DLG2: variants seen among roughly 807,000 people sequenced by gnomAD.
The protein encoded by DLG2 is discs large MAGUK scaffold protein 2.
Under a neutral mutation model 132.5 loss-of-function variants are expected in DLG2, and 45 were observed. That is an observed-to-expected ratio of 0.34 (90% CI 0.27 to 0.44). The LOEUF is 0.44. Ranked by LOEUF, DLG2 falls within the 20% of genes least tolerant of loss-of-function variation. The probability of loss-of-function intolerance (pLI) is 1.00; values close to 1 mark genes in which losing one functional copy is unlikely to be tolerated. For synonymous variants in DLG2, 424 were observed against 419.6 expected (o/e 1.01, Z -0.13); for missense variants, 1,045 against 1,196.9 (o/e 0.87, Z 1.87).
intron 18 of DLG2, among the ~76,000 whole-genome samples, chr11:83,662,531 C>T (rs895557179): frequency 1.3e-5 from 2 of 152,140 alleles, no homozygotes; most frequent in Non-Finnish European, 2.9e-5. Flanking sequence ...AATTCTGGCT[C>T]TATGGAATGC....
intron 6 of DLG2, among the ~76,000 whole-genome samples, chr11:84,776,824 T>C (rs1411265510): frequency 6.6e-6 from 1 of 152,174 alleles, no homozygotes; most frequent in Non-Finnish European, 1.5e-5. Context: ...TTGGTATCTT[T>C]CCAGCTATAG....
chr11:84,373,260 AAAAACAAAAC>A (rs1217448942), intron 7 of DLG2, among the ~76,000 whole-genome samples: 6 of 102,922 alleles, frequency 5.8e-5, no homozygotes, highest in African/African-American at 1.7e-4. Context: ...AAAAAAAAAA[AAAAACAAAAC>A]AAAAAAAAAA....
chr11:83,938,221 G>A (rs1471185305), intron 14 of DLG2, among the ~76,000 whole-genome samples: 1 of 152,178 alleles, frequency 6.6e-6, no homozygotes, highest in Non-Finnish European at 1.5e-5. Flanking sequence ...ATACAAAATT[G>A]TATATGGGGC....
intron 3 of DLG2, among the ~76,000 whole-genome samples, chr11:85,355,043 C>T (rs1457002668): frequency 6.6e-6 from 1 of 151,962 alleles, no homozygotes; most frequent in African/African-American, 2.4e-5. Flanking sequence ...CAAATTTTGA[C>T]AATATATTTT....
At chr11:85,255,700 T>C (rs186393802) in intron 4 of DLG2, among the ~76,000 whole-genome samples, 1 of 152,354 alleles carries the variant, frequency 6.6e-6, no homozygotes, top group East Asian at 1.9e-4. Context: ...AAATGACTTC[T>C]AATTATTATA....
intron 10 of DLG2, among the ~76,000 whole-genome samples, chr11:84,077,582 T>A (rs913419128): frequency 7.2e-5 from 11 of 152,238 alleles, no homozygotes; most frequent in African/African-American, 2.7e-4. Flanking sequence ...TTTTTGCATG[T>A]TTTAGGCTGA....
intron 3 of DLG2, among the ~76,000 whole-genome samples, chr11:85,322,574 C>G (rs970472307): frequency 6.6e-6 from 1 of 152,082 alleles, no homozygotes; most frequent in Admixed American, 6.6e-5. Flanking sequence ...TCAAAAACAC[C>G]TTAACCACAT....
At chr11:84,174,977 T>C (rs1261055844) in intron 8 of DLG2, among the ~76,000 whole-genome samples, 1 of 152,172 alleles carries the variant, frequency 6.6e-6, no homozygotes, top group Non-Finnish European at 1.5e-5. Flanking sequence ...GTTTCTAAGT[T>C]AAACAATTTT....
At chr11:84,909,789 A>G (rs1242952337) in intron 6 of DLG2, among the ~76,000 whole-genome samples, 6 of 152,320 alleles carry the variant, frequency 3.9e-5, no homozygotes, top group South Asian at 4.1e-4. Flanking sequence ...TCTGGAGGAT[A>G]TATTACCCCT....
chr11:84,004,552 C>T (rs1005484830), intron 11 of DLG2, among the ~76,000 whole-genome samples: 3 of 151,812 alleles, frequency 2.0e-5, no homozygotes, highest in Admixed American at 1.3e-4. Flanking sequence ...CAAAATACTA[C>T]ACCAAAAAAC....
chr11:84,054,560 T>TC (rs1406469477), intron 11 of DLG2, among the ~76,000 whole-genome samples: 1 of 152,030 alleles, frequency 6.6e-6, no homozygotes, highest in African/African-American at 2.4e-5. Context: ...ACATTCTAAG[T>TC]CAGAATGAGT....
At chr11:85,397,502 A>G (rs1287304987) in intron 3 of DLG2, among the ~76,000 whole-genome samples, 1 of 152,234 alleles carries the variant, frequency 6.6e-6, no homozygotes, top group Non-Finnish European at 1.5e-5. Context: ...TAAAGAATCA[A>G]GCACCATTGG....
chr11:84,668,438 A>G (rs941856087), intron 6 of DLG2, among the ~76,000 whole-genome samples: 1 of 152,180 alleles, frequency 6.6e-6, no homozygotes, highest in African/African-American at 2.4e-5. Flanking sequence ...CCAGCTTCCC[A>G]AATACCATTT....
intron 8 of DLG2, among the ~76,000 whole-genome samples, chr11:84,183,935 A>G (rs533740801): frequency 2.0e-5 from 3 of 152,152 alleles, no homozygotes; most frequent in Non-Finnish European, 4.4e-5. Context: ...ATAGTATTCC[A>G]TGGTGTATAT....
intron 7 of DLG2, among the ~76,000 whole-genome samples, chr11:84,483,664 A>G (rs2099143757): frequency 6.6e-6 from 1 of 152,140 alleles, no homozygotes; most frequent in Non-Finnish European, 1.5e-5. Flanking sequence ...TTAAATCTGT[A>G]GGAAGAGGGT....
At chr11:85,075,392 T>C (rs1400129173) in intron 6 of DLG2, among the ~76,000 whole-genome samples, 1 of 151,846 alleles carries the variant, frequency 6.6e-6, no homozygotes, top group Non-Finnish European at 1.5e-5. Flanking sequence ...TGTGAAAACT[T>C]AGAAGCAATC....
chr11:85,343,760 A>G (rs537183679), intron 3 of DLG2, among the ~76,000 whole-genome samples: 1 of 152,208 alleles, frequency 6.6e-6, no homozygotes, highest in Non-Finnish European at 1.5e-5. Context: ...GGAACCTGAT[A>G]GAGCAGCGAG....
chr11:84,060,514 C>T (rs1012523939), intron 10 of DLG2, among the ~76,000 whole-genome samples: 2 of 141,326 alleles, frequency 1.4e-5, no homozygotes, highest in South Asian at 4.8e-4. Flanking sequence ...AGAACCACAA[C>T]AAATTCTACA....
intron 6 of DLG2, among the ~76,000 whole-genome samples, chr11:85,013,041 T>C (rs2059284116): frequency 6.6e-6 from 1 of 152,190 alleles, no homozygotes. Flanking sequence ...AAATTTAATG[T>C]CATGTACCTG....
Sources: allele counts gnomAD v4.1 joint callset (sites outside exome capture counted in the v4.1 genomes callset), GRCh38; gene constraint gnomAD v4.1.1; transcripts MANE v1.5; gene names NCBI Gene and HGNC (gene_info 2026-07-23, HGNC 2026-07-21).